B3GALT1: variants seen among roughly 807,000 people sequenced by gnomAD.
B3GALT1 encodes the protein UDP-Gal:betaGlcNAc beta 1,3-galactosyltransferase, polypeptide 1.
In B3GALT1, 10 loss-of-function variants were observed where a neutral mutation model predicts 23.2. The ratio of observed to expected loss-of-function variants is 0.43; its 90% CI spans 0.27 to 0.73. The LOEUF is 0.73. Ranked by LOEUF, B3GALT1 falls within the 30% of genes least tolerant of loss-of-function variation. B3GALT1 has a pLI of 0.21. For missense variants in B3GALT1, 299 were observed against 405.4 expected, an observed-to-expected ratio of 0.74 and a Z score of 2.25; for synonymous variants, 156 against 141.5, an observed-to-expected ratio of 1.10 and a Z score of -0.73.
intron 1 of B3GALT1, among the ~76,000 whole-genome samples, chr2:167,449,835 T>C (rs112298054): frequency 0.013 from 2,031 of 152,286 alleles, 44 homozygotes; most frequent in African/African-American, 0.046. Flanking sequence ...ACTTTTTCTG[T>C]GTCTATTGAG....
At chr2:167,678,124 C>T (rs905019875) in intron 3 of B3GALT1, among the ~76,000 whole-genome samples, 5 of 152,190 alleles carry the variant, frequency 3.3e-5, no homozygotes, top group African/African-American at 1.2e-4. Context: ...ACCTACCCAC[C>T]TTCTATCTGC....
chr2:167,830,964 C>T (rs1689340049), intron 4 of B3GALT1, among the ~76,000 whole-genome samples: 1 of 152,214 alleles, frequency 6.6e-6, no homozygotes, highest in African/African-American at 2.4e-5. Flanking sequence ...AGCCTCTGGA[C>T]ATTTGTCTCT....
intron 2 of B3GALT1, among the ~76,000 whole-genome samples, chr2:167,571,782 C>T (rs948550722): frequency 2.6e-5 from 4 of 151,804 alleles, no homozygotes; most frequent in Admixed American, 6.6e-5. Context: ...GTATACATGC[C>T]GGCATGAGTT....
intron 1 of B3GALT1, among the ~76,000 whole-genome samples, chr2:167,332,000 G>C (rs1696980058): frequency 6.6e-6 from 1 of 152,200 alleles, no homozygotes; most frequent in African/African-American, 2.4e-5. Context: ...GATGCAGTCT[G>C]GTGAGGTGGG....
chr2:167,784,192 T>A (rs1688298645), intron 3 of B3GALT1, among the ~76,000 whole-genome samples: 1 of 152,210 alleles, frequency 6.6e-6, no homozygotes, highest in Non-Finnish European at 1.5e-5. Context: ...TGAAGCTGAA[T>A]CATCAGAATA....
chr2:167,566,994 C>T (rs904393106), intron 2 of B3GALT1, among the ~76,000 whole-genome samples: 1 of 152,190 alleles, frequency 6.6e-6, no homozygotes, highest in Non-Finnish European at 1.5e-5. Context: ...GCATCAGAAT[C>T]TCTGGAAAAT....
intron 2 of B3GALT1, among the ~76,000 whole-genome samples, chr2:167,532,649 T>G (rs538346361): frequency 5.3e-5 from 8 of 152,144 alleles, no homozygotes; most frequent in Admixed American, 3.3e-4. Context: ...ACATATATGT[T>G]ATGCTTATGT....
At chr2:167,368,750 A>G (rs1223773290) in intron 1 of B3GALT1, among the ~76,000 whole-genome samples, 1 of 152,184 alleles carries the variant, frequency 6.6e-6, no homozygotes, top group Non-Finnish European at 1.5e-5. Flanking sequence ...TGTATGTTCA[A>G]ATGTTATCCT....
At chr2:167,397,030 A>G (rs1366048000) in intron 1 of B3GALT1, among the ~76,000 whole-genome samples, 1 of 152,186 alleles carries the variant, frequency 6.6e-6, no homozygotes, top group African/African-American at 2.4e-5. Flanking sequence ...AATCTCAAGC[A>G]GAATCTGCCA....
At chr2:167,746,339 A>G (rs1687651706) in intron 3 of B3GALT1, among the ~76,000 whole-genome samples, 1 of 152,246 alleles carries the variant, frequency 6.6e-6, no homozygotes, top group African/African-American at 2.4e-5. Context: ...AAGAGACTTG[A>G]AAGTTAATGC....
chr2:167,419,177 A>T (rs924335929), intron 1 of B3GALT1, among the ~76,000 whole-genome samples: 7 of 152,242 alleles, frequency 4.6e-5, no homozygotes, highest in Non-Finnish European at 2.9e-5. Context: ...AGTCTTATCA[A>T]ATAAAGAACT....
At chr2:167,594,327 C>T (rs1176036809) in intron 2 of B3GALT1, among the ~76,000 whole-genome samples, 1 of 152,060 alleles carries the variant, frequency 6.6e-6, no homozygotes, top group Non-Finnish European at 1.5e-5. Context: ...ATATTGTATA[C>T]TTCTATAAAT....
chr2:167,599,359 AAGATAACAAATCCAAAAACAT>A (rs1223844503), intron 2 of B3GALT1, among the ~76,000 whole-genome samples: 1 of 152,216 alleles, frequency 6.6e-6, no homozygotes, highest in Non-Finnish European at 1.5e-5. Flanking sequence ...CCACTTTATG[AAGATAACAAATCCAAAAACAT>A]AGATAACAAA....
At chr2:167,459,994 T>A (rs948933498) in intron 1 of B3GALT1, among the ~76,000 whole-genome samples, 1 of 147,482 alleles carries the variant, frequency 6.8e-6, no homozygotes, top group East Asian at 1.9e-4. Context: ...TCATTGAGAA[T>A]CCCTGTATGT....
At chr2:167,520,944 C>T (rs1574116472) in intron 2 of B3GALT1, among the ~76,000 whole-genome samples, 3 of 152,102 alleles carry the variant, frequency 2.0e-5, no homozygotes, top group African/African-American at 7.2e-5. Flanking sequence ...TGCTGTTAAC[C>T]ATTGATCCTC....
At chr2:167,553,989 G>A (rs985003946) in intron 2 of B3GALT1, among the ~76,000 whole-genome samples, 7 of 152,142 alleles carry the variant, frequency 4.6e-5, no homozygotes, top group South Asian at 2.1e-4. Flanking sequence ...CATTTCAACC[G>A]TACCTGACTA....
intron 1 of B3GALT1, among the ~76,000 whole-genome samples, chr2:167,351,268 C>CAAAA (rs890751165): frequency 1.6e-5 from 1 of 64,228 alleles, no homozygotes; most frequent in African/African-American, 5.0e-5. Context: ...GACTCCGTCT[C>CAAAA]AAAAAAAAAA....
chr2:167,713,210 T>G (rs1206145936), intron 3 of B3GALT1, among the ~76,000 whole-genome samples: 1 of 152,230 alleles, frequency 6.6e-6, no homozygotes, highest in East Asian at 1.9e-4. Context: ...ATTAGCTTAC[T>G]ACAAGTTCAC....
chr2:167,346,894 C>T (rs1022436252), intron 1 of B3GALT1, among the ~76,000 whole-genome samples: 59 of 152,172 alleles, frequency 3.9e-4, no homozygotes, highest in African/African-American at 1.3e-3. Flanking sequence ...TCAAAACTAT[C>T]GATCCGCTGT....
Sources: allele counts gnomAD v4.1 joint callset (sites outside exome capture counted in the v4.1 genomes callset), GRCh38; gene constraint gnomAD v4.1.1; transcripts MANE v1.5; gene names NCBI Gene and HGNC (gene_info 2026-07-23, HGNC 2026-07-21).